The following MECOM variants were observed in gnomAD, a reference collection of about 807,000 sequenced individuals.
The protein encoded by MECOM is MDS1 and EVI1 complex locus.
A neutral mutation model predicts 116.3 loss-of-function variants in MECOM; 13 were observed. That is an observed-to-expected ratio of 0.11 (90% confidence interval 0.07 to 0.18). The LOEUF (loss-of-function observed/expected upper bound fraction) is 0.18, where lower values mean the gene tolerates loss of function less well. Among genes scored for constraint, MECOM ranks in the 10% least tolerant of loss-of-function variants. The pLI, the probability that MECOM is intolerant of heterozygous loss-of-function variation, is 1.00. For synonymous variants in MECOM, 528 were observed against 535.2 expected, an observed-to-expected ratio of 0.99 and a Z score of 0.19; for missense variants, 1,299 against 1,509.0, an observed-to-expected ratio of 0.86 and a Z score of 2.31.
chr3:169,507,827 A>AT (rs1491257332), intron 1 of MECOM, among the ~76,000 whole-genome samples: 3 of 124,850 alleles, frequency 2.4e-5, no homozygotes, highest in African/African-American at 1.0e-4. Flanking sequence ...CGCCCGGCTA[A>AT]TTTTTTGTAT....
intron 1 of MECOM, among the ~76,000 whole-genome samples, chr3:169,528,300 T>C (rs1057487345): frequency 2.2e-4 from 33 of 152,310 alleles, no homozygotes; most frequent in African/African-American, 7.9e-4. Context: ...TATCCATGTC[T>C]ACCCAGGATT....
At position 169,406,787 on chromosome 3, in the gene MECOM, CATA is replaced by C. The variant is rs539353548; in HGVS notation, c.38-25266_38-25264del. On this transcript the variant is annotated intron_variant, in intron 1 of 16. Transcript: ENST00000651503. ...TAAAACCAGTCTTCTTGAGCCCAAG[CATA>C]ATATCATAATATTCTCATATTATTC... is the stretch of plus-strand genomic sequence containing the variant. Among the ~76,000 whole-genome samples the C allele has an allele frequency of 3.6e-3, 544 of 151,676 alleles. 2 individuals are homozygous for C. Among genetic ancestry groups the C allele is most frequent in the South Asian group, 8.6e-3 (41 of 4,786 alleles).
chr3:169,490,721 C>A (rs113464375), intron 1 of MECOM, among the ~76,000 whole-genome samples: 9,999 of 152,150 alleles, frequency 0.066, 454 homozygotes, highest in Non-Finnish European at 0.094. Flanking sequence ...TTTACACCAA[C>A]TTTAGGATAT....
intron 1 of MECOM, among the ~76,000 whole-genome samples, chr3:169,563,708 C>T (rs993722449): frequency 3.3e-5 from 5 of 152,116 alleles, no homozygotes; most frequent in South Asian, 4.1e-4. Flanking sequence ...GGACACTACG[C>T]GGACATCAGG....
chr3:169,460,238 G>A (rs1014793986), intron 1 of MECOM, among the ~76,000 whole-genome samples: 2 of 152,072 alleles, frequency 1.3e-5, no homozygotes, highest in Non-Finnish European at 2.9e-5. Flanking sequence ...AAAAAGAATA[G>A]CTTTCCCACA....
intron 1 of MECOM, among the ~76,000 whole-genome samples, chr3:169,642,395 C>T (rs528126438): frequency 6.7e-6 from 1 of 149,182 alleles, no homozygotes; most frequent in East Asian, 2.0e-4. Context: ...AATTGTGAGC[C>T]GAGATCGCGC....
In MECOM at chr3:169,339,756, T is replaced by A. The variant is rs550979059; in HGVS notation, c.375+41431A>T. The stretch of plus-strand genomic sequence containing the variant: ...AACAAAACAAGTAAAAAATGACATT[T>A]AAAAAAAAACTAAACTGAAATCACC... On this transcript the variant is annotated intron_variant, in intron 2 of 16. Transcript: ENST00000651503. Among the ~76,000 whole-genome samples, 294 of 151,628 alleles carry A rather than the reference T, an allele frequency of 1.9e-3. 2 individuals carry two copies. The highest frequency in any genetic ancestry group is 6.4e-3 in the African/African-American group (263 of 41,352).
intron 1 of MECOM, among the ~76,000 whole-genome samples, chr3:169,400,265 A>T (rs936449888): frequency 2.6e-5 from 4 of 152,204 alleles, no homozygotes; most frequent in Non-Finnish European, 5.9e-5. Flanking sequence ...ATGAAATCAT[A>T]ATTTCAGGAG....
chr3:169,613,765 T>C (rs1769585888), intron 1 of MECOM: 1 of 152,240 alleles, frequency 6.6e-6, no homozygotes, highest in African/African-American at 2.4e-5. Flanking sequence ...CCAAGGTCTC[T>C]AGCTCTATTC....
At chr3:169,580,568 T>C (rs1265508660) in intron 1 of MECOM, among the ~76,000 whole-genome samples, 4 of 152,294 alleles carry the variant, frequency 2.6e-5, no homozygotes, top group East Asian at 3.9e-4. Context: ...AGAACTCAGA[T>C]ACTGGAAAAC....
At chr3:169,399,683 T>C (rs1735565842) in intron 1 of MECOM, among the ~76,000 whole-genome samples, 1 of 152,236 alleles carries the variant, frequency 6.6e-6, no homozygotes, top group African/African-American at 2.4e-5. Context: ...ATGGTGAGAA[T>C]GAGCCTAGAG....
rs1559973926 is a variant in MECOM, at chr3:169,191,766, G to GAAAGAAAGAAAA, written c.376-47935_376-47934insTTTTCTTTCTTT. 2.3e-5 allele frequency among the ~76,000 whole-genome samples: 3 copies of GAAAGAAAGAAAA among 133,286 alleles called. No individual in the cohort carries two copies. In the East Asian group the frequency reaches 9.8e-4, roughly 43 times the overall value. 87.4% of individuals were successfully genotyped at this position (133,286 alleles called of 152,430 possible). A position where few individuals can be genotyped will look rare whatever the true frequency, so the allele number is the denominator to read the frequency against. On this transcript the variant is annotated intron_variant, in intron 2 of 16. Coordinates refer to ENST00000651503, the MANE Select transcript of MECOM (RefSeq NM_004991.4). ...AGAAAGAAAGAAAGAAAGAAAGAAA[G>GAAAGAAAGAAAA]AAAGAAAGAAAGAAAGAAAGAAAGA...
intron 1 of MECOM, among the ~76,000 whole-genome samples, chr3:169,575,527 C>A (rs1764390558): frequency 6.6e-6 from 1 of 152,192 alleles, no homozygotes; most frequent in African/African-American, 2.4e-5. Flanking sequence ...CTAATCAGGG[C>A]TGAGCCAAAT....
At chr3:169,660,877 A>G (rs1422720385) in intron 1 of MECOM, among the ~76,000 whole-genome samples, 5 of 152,220 alleles carry the variant, frequency 3.3e-5, no homozygotes, top group African/African-American at 1.2e-4. Flanking sequence ...CTGTCTGGGA[A>G]AGGCAGCTGC....
chr3:169,245,558 A>T (rs925062145), intron 2 of MECOM, among the ~76,000 whole-genome samples: 17 of 152,270 alleles, frequency 1.1e-4, no homozygotes, highest in East Asian at 1.9e-4. Flanking sequence ...TAATTTTTTT[A>T]AAAAATTCAT....
intron 1 of MECOM, among the ~76,000 whole-genome samples, chr3:169,500,937 GA>G (rs1481948001): frequency 6.6e-6 from 1 of 151,876 alleles, no homozygotes; most frequent in Non-Finnish European, 1.5e-5. Context: ...TTTTAATAAA[GA>G]AAAGTTTTAA....
At chr3:169,308,715 G>A (rs924940446) in intron 2 of MECOM, among the ~76,000 whole-genome samples, 3 of 151,766 alleles carry the variant, frequency 2.0e-5, no homozygotes, top group Non-Finnish European at 1.5e-5. Flanking sequence ...AAAATTTTAG[G>A]AAAAAAACAC....
At chr3:169,357,465 A>G (rs1337050665) in intron 2 of MECOM, among the ~76,000 whole-genome samples, 1 of 151,874 alleles carries the variant, frequency 6.6e-6, no homozygotes, top group East Asian at 1.9e-4. Flanking sequence ...CCAAGAAATC[A>G]AGACATAAGG....
intron 1 of MECOM, among the ~76,000 whole-genome samples, chr3:169,504,869 A>C (rs1027613275): frequency 4.6e-5 from 7 of 152,232 alleles, no homozygotes; most frequent in Admixed American, 1.3e-4. Context: ...CATTCTCAAC[A>C]TAAGCATATA....
Sources: gnomAD v4.1 joint callset for allele counts (sites outside exome capture counted in the v4.1 genomes callset) on GRCh38, gnomAD v4.1.1 for gene constraint, MANE v1.5 for transcripts, NCBI Gene and HGNC (gene_info 2026-07-23, HGNC 2026-07-21) for gene names.